The following SUFU variants were observed in gnomAD, a reference collection of about 807,000 sequenced individuals.
SUFU encodes the protein suppressor of fused homolog.
A neutral mutation model predicts 58.9 loss-of-function variants in SUFU; 7 were observed. The ratio of observed to expected loss-of-function variants is 0.12; its 90% CI spans 0.07 to 0.22. SUFU has a LOEUF of 0.22. Ranked by LOEUF, SUFU falls within the 10% of genes least tolerant of loss-of-function variation. The pLI, the probability that SUFU is intolerant of heterozygous loss-of-function variation, is 1.00. For synonymous variants in SUFU, 232 were observed against 254.8 expected, an observed-to-expected ratio of 0.91 and a Z score of 0.85; for missense variants, 451 against 641.3, an observed-to-expected ratio of 0.70 and a Z score of 3.20.
At chr10:102,503,219 A>T (rs1217141024), upstream of SUFU, among the ~76,000 whole-genome samples, 1 of 152,246 alleles carries the variant, frequency 6.6e-6, no homozygotes, top group Non-Finnish European at 1.5e-5. Context: ...TATTCCTACA[A>T]CAAAGGAAAA....
At chr10:102,528,441 T>C (rs1349318995) in intron 2 of SUFU, among the ~76,000 whole-genome samples, 1 of 152,028 alleles carries the variant, frequency 6.6e-6, no homozygotes, top group East Asian at 1.9e-4. Flanking sequence ...CATGGTGGCA[T>C]GTGTCTGTAG....
chr10:102,557,803 G>A (rs1199477069), intron 3 of SUFU, among the ~76,000 whole-genome samples: 2 of 152,106 alleles, frequency 1.3e-5, no homozygotes, highest in East Asian at 3.8e-4. Flanking sequence ...CCACTGGGGA[G>A]ATGAGCACCA....
chr10:102,532,099 A>C (rs2135699429), intron 2 of SUFU, among the ~76,000 whole-genome samples: 1 of 152,068 alleles, frequency 6.6e-6, no homozygotes, highest in Non-Finnish European at 1.5e-5. Flanking sequence ...AGTAGCTGGG[A>C]TTACAGGTGC....
intron 2 of SUFU, among the ~76,000 whole-genome samples, chr10:102,533,808 C>A (rs1314369284): frequency 6.6e-6 from 1 of 152,152 alleles, no homozygotes; most frequent in African/African-American, 2.4e-5. Context: ...TCTCAAGATC[C>A]CTAACTGAAT....
At chr10:102,584,361 A>G (rs1394051720) in intron 3 of SUFU, among the ~76,000 whole-genome samples, 2 of 151,874 alleles carry the variant, frequency 1.3e-5, no homozygotes, top group Non-Finnish European at 2.9e-5. Flanking sequence ...TCTTTTTTTT[A>G]ATTTAAGATG....
chr10:102,566,005 G>A (rs2063085623), intron 3 of SUFU, among the ~76,000 whole-genome samples: 1 of 152,242 alleles, frequency 6.6e-6, no homozygotes, highest in South Asian at 2.1e-4. Context: ...TTTCTGCAGA[G>A]GGCAGTGAAG....
At chr10:102,587,832 C>T (rs1201813047) in intron 3 of SUFU, among the ~76,000 whole-genome samples, 2 of 152,174 alleles carry the variant, frequency 1.3e-5, no homozygotes, top group Admixed American at 1.3e-4. Context: ...TCTAATTTAC[C>T]TATCCTTTGT....
intron 2 of SUFU, among the ~76,000 whole-genome samples, chr10:102,537,293 G>C (rs11191322): frequency 0.043 from 6,591 of 151,882 alleles, 459 homozygotes; most frequent in African/African-American, 0.15. Context: ...ACCATGGCCA[G>C]CTAATTTTTA....
intron 3 of SUFU, among the ~76,000 whole-genome samples, chr10:102,585,479 G>A (rs2063326805): frequency 6.6e-6 from 1 of 152,038 alleles, no homozygotes; most frequent in Non-Finnish European, 1.5e-5. Context: ...ATATGAAGTG[G>A]TGGTGTCTCA....
chr10:102,609,605 G>C (rs1201750487), intron 8 of SUFU, among the ~76,000 whole-genome samples: 3 of 152,210 alleles, frequency 2.0e-5, no homozygotes, highest in Non-Finnish European at 4.4e-5. Context: ...CAGTGGCAGA[G>C]AGAAAGCAAA....
At chr10:102,615,934 C>G (rs1223129915) in intron 9 of SUFU, among the ~76,000 whole-genome samples, 3 of 151,240 alleles carry the variant, frequency 2.0e-5, no homozygotes, top group East Asian at 3.9e-4. Context: ...ATTCCTCAGC[C>G]CTGCTCCCCT....
chr10:102,556,736 C>CAAA (rs763209229), intron 3 of SUFU, among the ~76,000 whole-genome samples: 3 of 61,642 alleles, frequency 4.9e-5, no homozygotes, highest in Non-Finnish European at 7.3e-5. Flanking sequence ...GAGTGAGACT[C>CAAA]AAAAAAAAAA....
rs370510378 is a variant in SUFU at position 102,630,182 on chromosome 10, C to G, written c.*27C>G. On this transcript the variant is annotated 3_prime_UTR_variant, in exon 12 of 12. Transcript: ENST00000369902. ...CTGGGCTGGGCCCTGCAGTGGCCAGCAGGGAGCCCAGCTGCTCCCCAGTGA... is the reference window on the plus strand; with the variant it reads ...CTGGGCTGGGCCCTGCAGTGGCCAGGAGGGAGCCCAGCTGCTCCCCAGTGA... 3.7e-5 allele frequency: 58 copies of G among 1,581,278 alleles called. No individual in the cohort carries two copies. The highest frequency in any genetic ancestry group is 4.8e-5 in the Non-Finnish European group (55 of 1,150,416).
At chr10:102,532,724 G>A (rs193179611) in intron 2 of SUFU, among the ~76,000 whole-genome samples, 1 of 152,234 alleles carries the variant, frequency 6.6e-6, no homozygotes, top group East Asian at 1.9e-4. Flanking sequence ...CGGAGGCAAG[G>A]GAGTCATCAG....
intron 3 of SUFU, among the ~76,000 whole-genome samples, chr10:102,584,971 A>G (rs910340605): frequency 6.6e-6 from 1 of 152,228 alleles, no homozygotes; most frequent in South Asian, 2.1e-4. Flanking sequence ...GGTCATGTAG[A>G]CATACACAGT....
chr10:102,581,924 G>A (rs1221321493), intron 3 of SUFU, among the ~76,000 whole-genome samples: 1 of 152,136 alleles, frequency 6.6e-6, no homozygotes, highest in African/African-American at 2.4e-5. Flanking sequence ...CCTCCAAGTT[G>A]ACAGACCTGA....
intron 2 of SUFU, 40 bp downstream of exon 2, chr10:102,509,343 C>T (rs1327569108): frequency 5.0e-6 from 8 of 1,611,138 alleles, no homozygotes; most frequent in African/African-American, 1.3e-5. Flanking sequence ...GAGCCTTATT[C>T]CTGAGGTCTT....
chr10:102,594,752 C>T (rs3936016), intron 6 of SUFU, among the ~76,000 whole-genome samples: 4,824 of 152,232 alleles, frequency 0.032, 110 homozygotes, highest in Non-Finnish European at 0.049. Context: ...GAGTTTCGCT[C>T]TTCTCACCCA....
intron 3 of SUFU, among the ~76,000 whole-genome samples, chr10:102,577,650 C>CT (rs1207382802): frequency 6.8e-6 from 1 of 147,994 alleles, no homozygotes; most frequent in African/African-American, 2.5e-5. Context: ...TCCTGGCATT[C>CT]TTTGGTTGAA....
Sources: allele counts gnomAD v4.1 joint callset (sites outside exome capture counted in the v4.1 genomes callset), GRCh38; gene constraint gnomAD v4.1.1; transcripts MANE v1.5; gene names NCBI Gene and HGNC (gene_info 2026-07-23, HGNC 2026-07-21).